Variants in COL22A1 observed in about 807,000 individuals in gnomAD.
COL22A1 encodes collagen alpha-1(XXII) chain.
In COL22A1, 221 loss-of-function variants were observed where a neutral mutation model predicts 248.9. The ratio of observed to expected loss-of-function variants is 0.89; its 90% CI spans 0.80 to 0.99. The LOEUF (loss-of-function observed/expected upper bound fraction) is 0.99, where lower values mean the gene tolerates loss of function less well. Ranked by LOEUF, COL22A1 falls within the 50% of genes least tolerant of loss-of-function variation. The pLI, the probability that COL22A1 is intolerant of heterozygous loss-of-function variation, is 0.00. For missense variants in COL22A1, 2,240 were observed against 2,179.0 expected, an observed-to-expected ratio of 1.03 and a Z score of -0.56; for synonymous variants, 891 against 793.4, an observed-to-expected ratio of 1.12 and a Z score of -2.07.
In COL22A1 at chr8:138,760,278, C is replaced by T. The variant is rs576490095; in HGVS notation, c.1867G>A (p.Gly623Ser). The change falls in exon 18 of 65, where the codon GGC becomes AGC. Residue 623 changes from glycine to serine, a missense_variant. By Grantham distance (56) the Gly-to-Ser change is moderately conservative (BLOSUM62 0). Coordinates refer to ENST00000303045, the MANE Select transcript of COL22A1 (RefSeq NM_152888.3). ...TGGGGTCCTGCCACACCAGAAGGGCCGGGCCTGCCCTGGAGGAAAGAAAGA... is the reference window on the plus strand; with the variant it reads ...TGGGGTCCTGCCACACCAGAAGGGCTGGGCCTGCCCTGGAGGAAAGAAAGA... ...PGDTGQQGRP[G>S]PSGVAGPQGE... 1.6e-5 allele frequency: 25 copies of T among 1,598,526 alleles called. No individual in the cohort carries two copies. Among genetic ancestry groups the T allele is most frequent in the African/African-American group, 2.7e-5 (2 of 74,338 alleles).
chr8:138,623,240 AT>A (rs1380089125), intron 52 of COL22A1, among the ~76,000 whole-genome samples: 2 of 11,192 alleles, frequency 1.8e-4, no homozygotes, highest in African/African-American at 2.7e-4. Flanking sequence ...GTGTGTACAT[AT>A]ATATATATAT....
chr8:138,595,022 G>A (rs1817406645), intron 62 of COL22A1, among the ~76,000 whole-genome samples: 1 of 152,142 alleles, frequency 6.6e-6, no homozygotes, highest in Admixed American at 6.5e-5. Context: ...TGGCCACCAA[G>A]GGCAGTCTTT....
chr8:138,847,313 C>T (rs375840574), intron 3 of COL22A1, among the ~76,000 whole-genome samples: 5 of 152,272 alleles, frequency 3.3e-5, no homozygotes, highest in Admixed American at 2.6e-4. Context: ...GCATGGGGTT[C>T]GTTATGATTT....
At chr8:138,820,093 TAAA>T (rs34268037) in intron 7 of COL22A1, among the ~76,000 whole-genome samples, 3 of 150,898 alleles carry the variant, frequency 2.0e-5, no homozygotes, top group Admixed American at 6.6e-5. Flanking sequence ...ATGCTTTAGC[TAAA>T]AAAAAATAAA....
chr8:138,752,597 T>C (rs1050925445), intron 21 of COL22A1, among the ~76,000 whole-genome samples: 3 of 152,198 alleles, frequency 2.0e-5, no homozygotes, highest in Non-Finnish European at 4.4e-5. Flanking sequence ...ATAGCTGGCA[T>C]TGATCTACAT....
rs1303171740 is a variant in COL22A1, at chr8:138,826,746, G to A, written c.881C>T (p.Ala294Val). The change falls in exon 6 of 65, where the codon GCC (alanine) becomes GTC (valine). Residue 294 changes from alanine (A) to valine (V), a missense_variant. Ala to Val is a moderately conservative substitution (Grantham distance 64). Transcript: ENST00000303045. ...CCTGAACCGGAAGGTTGTGACAAAG[G>A]CGTACTCATCAGGTAAACCTTGGGG... is the stretch of plus-strand genomic sequence containing the variant. ...VFPQGLPDEY[A>V]FVTTFRFRKT... is the part of the protein sequence containing the mutation. The A allele has an allele frequency of 1.9e-6, 3 of 1,614,046 alleles. No homozygotes were observed. The highest frequency in any genetic ancestry group is 2.5e-6 in the Non-Finnish European group (3 of 1,179,992).
intron 16 of COL22A1, among the ~76,000 whole-genome samples, chr8:138,767,414 A>ACGG (rs1188100128): frequency 6.6e-6 from 1 of 152,140 alleles, no homozygotes; most frequent in Non-Finnish European, 1.5e-5. Context: ...GACTCTGTTG[A>ACGG]CGGCCGGCTG....
intron 41 of COL22A1, among the ~76,000 whole-genome samples, chr8:138,663,981 C>T (rs949177990): frequency 4.6e-5 from 7 of 151,846 alleles, no homozygotes; most frequent in Non-Finnish European, 8.8e-5. Context: ...TATCATCATC[C>T]CTGCGTGGCT....
chr8:138,906,963 T>C (rs1815078472), intron 1 of COL22A1, among the ~76,000 whole-genome samples: 1 of 152,216 alleles, frequency 6.6e-6, no homozygotes. Context: ...AAGACTTTCT[T>C]TGACTAATCA....
chr8:138,649,990 G>T (rs1822557345), intron 45 of COL22A1, among the ~76,000 whole-genome samples: 2 of 152,150 alleles, frequency 1.3e-5, no homozygotes, highest in Non-Finnish European at 2.9e-5. Context: ...CTAAAAGTTA[G>T]GTTTCAGCAC....
intron 5 of COL22A1, among the ~76,000 whole-genome samples, chr8:138,831,275 T>C (rs1424253239): frequency 6.6e-6 from 1 of 152,206 alleles, no homozygotes; most frequent in African/African-American, 2.4e-5. Flanking sequence ...GACTAGCATC[T>C]GAAAGAACAT....
At chr8:138,660,933 CAG>C (rs1823841556) in intron 43 of COL22A1, among the ~76,000 whole-genome samples, 6 of 103,510 alleles carry the variant, frequency 5.8e-5, no homozygotes, top group African/African-American at 1.1e-4. Flanking sequence ...CACAGACACA[CAG>C]ACACACACAT....
intron 32 of COL22A1, 40 bp downstream of exon 32, chr8:138,700,072 C>T (rs779260569): frequency 3.5e-5 from 56 of 1,605,138 alleles, no homozygotes; most frequent in Middle Eastern, 1.6e-4. Flanking sequence ...CCCTCCAGGC[C>T]GAGGCACACT....
intron 59 of COL22A1, 146 bp from the exon 60 acceptor site, chr8:138,602,305 G>A (rs1818088143): frequency 1.3e-6 from 1 of 766,496 alleles, no homozygotes; most frequent in Admixed American, 2.4e-5. Context: ...TCTGATTTAT[G>A]CCTACATGGT....
intron 6 of COL22A1, 70 bp from the exon 7 acceptor site, chr8:138,821,481 G>A (rs1586826252): frequency 4.0e-6 from 6 of 1,488,710 alleles, no homozygotes; most frequent in African/African-American, 1.4e-5. Context: ...ATGGGAAACG[G>A]GAGTTCAGAG....
chr8:138,766,654 G>A (rs79911871), intron 16 of COL22A1, among the ~76,000 whole-genome samples: 8,944 of 152,196 alleles, frequency 0.059, 381 homozygotes, highest in Non-Finnish European at 0.084. Context: ...AGAGACAGAC[G>A]CAGAGAGACC....
chr8:138,638,491 T>C (rs1271030604), intron 47 of COL22A1, among the ~76,000 whole-genome samples: 1 of 152,168 alleles, frequency 6.6e-6, no homozygotes, highest in Non-Finnish European at 1.5e-5. Context: ...TCCAGCCCTC[T>C]TTCAATCCAG....
chr8:138,803,538 A>G (rs895890830), intron 10 of COL22A1, among the ~76,000 whole-genome samples: 2 of 152,168 alleles, frequency 1.3e-5, no homozygotes, highest in East Asian at 3.8e-4. Context: ...ATAAAATAAA[A>G]TAAAATAAAA....
chr8:138,649,148 C>G (rs1347324727), intron 46 of COL22A1, among the ~76,000 whole-genome samples: 1 of 152,200 alleles, frequency 6.6e-6, no homozygotes, highest in Non-Finnish European at 1.5e-5. Context: ...ACCATGAACT[C>G]CTTTAGAATA....
Sources: allele counts gnomAD v4.1 joint callset (sites outside exome capture counted in the v4.1 genomes callset), GRCh38; gene constraint gnomAD v4.1.1; transcripts MANE v1.5; gene names NCBI Gene and HGNC (gene_info 2026-07-23, HGNC 2026-07-21).